The following DNALI1 variants were observed in gnomAD, a reference collection of about 807,000 sequenced individuals.
The protein encoded by DNALI1 is dynein axonemal light intermediate chain 1.
A neutral mutation model predicts 33.9 loss-of-function variants in DNALI1; 31 were observed. That is an observed-to-expected ratio of 0.91 (90% CI 0.69 to 1.23). The LOEUF is 1.23. Ranked by LOEUF, DNALI1 falls within the 50% of genes most tolerant of loss-of-function variation. The pLI is 0.00. For missense variants in DNALI1, 305 were observed against 323.8 expected, an observed-to-expected ratio of 0.94 and a Z score of 0.44; for synonymous variants, 117 against 129.2, an observed-to-expected ratio of 0.91 and a Z score of 0.64.
Position 37,565,247 on chromosome 1 carries a change from C to T in DNALI1, c.*186C>T, listed in dbSNP as rs1570042491. On this transcript the variant is annotated 3_prime_UTR_variant, in exon 6 of 6. Transcript: ENST00000652629. ...AGTCACACTATTACTCCAATGTCAT[C>T]AGACACCTAAGGTCTGCCAGCCAGG... The T allele has an allele frequency of 3.1e-6, 2 of 643,964 alleles. No individual in the cohort carries two copies. The highest frequency in any genetic ancestry group is 1.8e-5 in the African/African-American group (1 of 54,788). The allele number at this position is 643,964 out of a possible 1,614,324, so 39.9% of individuals were successfully genotyped here.
rs932994446 is a variant in DNALI1, at chr1:37,562,691, G to A, written c.741+446G>A. Among the ~76,000 whole-genome samples the A allele has an allele frequency of 6.6e-6, 1 of 152,170 alleles. No individual in the cohort carries two copies. Among genetic ancestry groups the A allele is most frequent in the Non-Finnish European group, 1.5e-5 (1 of 68,032 alleles). ...GTCAAAGGGCAGCAGGGCCCTTTGA[G>A]AGGAAGAACCATTTCAAATCAGAAA... On this transcript the variant is annotated intron_variant, in intron 5 of 5. Transcript: ENST00000652629. This position sits in a 1 kb window ranked among gnomAD's most constrained non-coding sequence, Gnocchi z 5.8.
Position 37,565,103 on chromosome 1 carries a change from T to G in DNALI1, c.*42T>G. 6.2e-7 allele frequency: 1 copy of G among 1,607,204 alleles called. No individual in the cohort carries two copies. The highest frequency in any genetic ancestry group is 8.5e-7 in the Non-Finnish European group (1 of 1,173,722). The stretch of plus-strand genomic sequence containing the variant: ...AATTTCCAACAAGACACTTGGGAGT[T>G]ATTTACTGTGTTCCTCTGGCAGCCA... On this transcript the variant is annotated 3_prime_UTR_variant, in exon 6 of 6. Transcript: ENST00000652629.
chr1:37,561,821 A>C lies in DNALI1; in HGVS notation c.576+86A>C. ...CTTATCATTCCAGCACTACATTCTG[A>C]CCTCCTAAGGTGCTCTGCTGACAGT... On this transcript the variant is annotated intron_variant, in intron 4 of 5. Transcript: ENST00000652629. This position sits in a 1 kb window ranked among gnomAD's most constrained non-coding sequence, Gnocchi z 4.6. 6.6e-7 allele frequency: 1 copy of C among 1,510,326 alleles called. No homozygotes were observed. The highest frequency in any genetic ancestry group is 2.4e-5 in the East Asian group (1 of 41,848). The allele number at this position is 1,510,326 out of a possible 1,614,324, so 93.6% of individuals were successfully genotyped here. A position where few individuals can be genotyped will look rare whatever the true frequency, so the allele number is the denominator to read the frequency against.
chr1:37,564,785 A>T lies in DNALI1; in HGVS notation c.742-241A>T, dbSNP rs544509652. ...AATATCCTTTTCAATGCTTTATATC[A>T]TACCCGGAGCCATTATTGTGTTGAA... On this transcript the variant is annotated intron_variant, in intron 5 of 5. Transcript: ENST00000652629. Among the ~76,000 whole-genome samples the T allele has an allele frequency of 7.2e-5, 11 of 152,272 alleles. No homozygotes were observed. In the South Asian group the frequency reaches 2.3e-3, roughly 32 times the overall value.
chr1:37,557,661 C>T lies in DNALI1; in HGVS notation c.140C>T (p.Pro47Leu). Residue 47 changes from proline (P) to leucine (L), a missense_variant, in exon 2 of 6, where the codon CCA (proline) becomes CTA (leucine). Transcript: ENST00000652629. Reference sequence around the variant, plus strand: ...GGACCTTCAGGTTCAGCCCCACAGCCACCCAAGACCAAGCTCCCCTCAACT... The same window carrying T: ...GGACCTTCAGGTTCAGCCCCACAGCTACCCAAGACCAAGCTCCCCTCAACT... ...QPGPSGSAPQ[P>L]PKTKLPSTPC... The T allele has an allele frequency of 1.2e-6, 2 of 1,614,106 alleles. No homozygotes were observed. The highest frequency in any genetic ancestry group is 1.7e-6 in the Non-Finnish European group (2 of 1,179,998).
Position 37,561,411 on chromosome 1 carries a change from C to A in DNALI1, c.398-146C>A. 1 of 1,053,614 alleles carries A rather than the reference C, an allele frequency of 9.5e-7. No homozygotes were observed. Among genetic ancestry groups the A allele is most frequent in the Non-Finnish European group, 1.4e-6 (1 of 738,578 alleles). 65.3% of individuals were successfully genotyped at this position (1,053,614 alleles called of 1,614,324 possible). ...CTTTGGGCCACTGAAGGCACCCTCC[C>A]TGAGGCCCTTCTCTGAGGCCTTGCA... On this transcript the variant is annotated intron_variant, in intron 3 of 5. Transcript: ENST00000652629. This position sits in a 1 kb window ranked among gnomAD's most constrained non-coding sequence, Gnocchi z 4.6.
chr1:37,564,965 T>C, intron 5 of DNALI1, 61 bp from the exon 6 acceptor site: 14 of 1,565,614 alleles, frequency 8.9e-6, no homozygotes, highest in Non-Finnish European at 1.2e-5. Context: ...TGATCACCTC[T>C]CAGCTATTTG....
rs1643391857 is a variant in DNALI1, at chr1:37,557,847, G to A, written c.227+99G>A. On this transcript the variant is annotated intron_variant, in intron 2 of 5. Coordinates refer to ENST00000652629, the MANE Select transcript of DNALI1 (RefSeq NM_003462.5). Reference sequence around the variant, plus strand: ...GCACTCTGCCTCTGTTCCTGGCTGGGGTTTCCTCCCAGTATCACAGAGCTC... The same window carrying A: ...GCACTCTGCCTCTGTTCCTGGCTGGAGTTTCCTCCCAGTATCACAGAGCTC... 2 of 1,544,750 alleles carry A rather than the reference G, an allele frequency of 1.3e-6. 1 individual carries two copies. The highest frequency in any genetic ancestry group is 2.3e-5 in the South Asian group (2 of 86,222).
intron 2 of DNALI1, chr1:37,558,169 T>C (rs1161845525): frequency 6.1e-6 from 1 of 163,188 alleles, no homozygotes; most frequent in Non-Finnish European, 1.3e-5. Context: ...TTCTCCTTTT[T>C]ACTAGGGACT....
Position 37,559,091 on chromosome 1 carries a change from G to T in DNALI1, c.228-236G>T, listed in dbSNP as rs144753505. Among the ~76,000 whole-genome samples the T allele has an allele frequency of 7.3e-3, 1,111 of 152,338 alleles. 12 individuals are homozygous for T. The highest frequency in any genetic ancestry group is 0.017 in the Middle Eastern group (5 of 294). On this transcript the variant is annotated intron_variant, in intron 2 of 5. Coordinates refer to ENST00000652629, the MANE Select transcript of DNALI1 (RefSeq NM_003462.5). This position sits in a 1 kb window ranked among gnomAD's most constrained non-coding sequence, Gnocchi z 5.3. ...AACAGTGGGGAATGATTTCACAGAGGCCCGTTGCCAAGGTGGAAATTGTCT... is the reference window on the plus strand; with the variant it reads ...AACAGTGGGGAATGATTTCACAGAGTCCCGTTGCCAAGGTGGAAATTGTCT...
Position 37,562,166 on chromosome 1 carries a change from A to C in DNALI1, c.662A>C (p.Glu221Ala). 1 of 1,614,022 alleles carries C rather than the reference A, an allele frequency of 6.2e-7. No individual in the cohort carries two copies. Among genetic ancestry groups the C allele is most frequent in the Non-Finnish European group, 8.5e-7 (1 of 1,179,976 alleles). Residue 221 changes from glutamate (E) to alanine (A), a missense_variant, in exon 5 of 6, where the codon GAG becomes GCG. By Grantham distance (107) the Glu-to-Ala change is moderately radical. Transcript: ENST00000652629. The surrounding 1 kb of genome is among the most constrained non-coding windows in gnomAD (Gnocchi z 5.8). ...KAKCEATEKRESERRQVEEKK... is the reference protein window; with the variant it reads ...KAKCEATEKRASERRQVEEKK... ...AAATGTGAAGCCACTGAGAAGCGGG[A>C]GAGCGAGAGGCGGCAGGTGGAGGAG...
rs562669841 is a variant in DNALI1 at position 37,559,705 on chromosome 1, G to T, written c.397+209G>T. Among the ~76,000 whole-genome samples the T allele has an allele frequency of 6.6e-6, 1 of 152,270 alleles. No homozygotes were observed. On this transcript the variant is annotated intron_variant, in intron 3 of 5. Coordinates refer to ENST00000652629, the MANE Select transcript of DNALI1 (RefSeq NM_003462.5). The surrounding 1 kb of genome is among the most constrained non-coding windows in gnomAD (Gnocchi z 5.3). ...GGGGCCAGCCCCTCCACACCTGTGG[G>T]TATTTCTCCTCAGGCAGGAGGAGAG...
chr1:37,565,101 G>C lies in DNALI1; in HGVS notation c.*40G>C. ...TTAATTTCCAACAAGACACTTGGGA[G>C]TTATTTACTGTGTTCCTCTGGCAGC... On this transcript the variant is annotated 3_prime_UTR_variant, in exon 6 of 6. Transcript: ENST00000652629. 3 of 1,606,604 alleles carry C rather than the reference G, an allele frequency of 1.9e-6. No individual in the cohort carries two copies. The highest frequency in any genetic ancestry group is 2.6e-6 in the Non-Finnish European group (3 of 1,173,260).
Position 37,559,419 on chromosome 1 carries a change from A to G in DNALI1, c.320A>G (p.Asp107Gly). The G allele has an allele frequency of 5.0e-6, 8 of 1,613,300 alleles. No homozygotes were observed. The highest frequency in any genetic ancestry group is 6.8e-6 in the Non-Finnish European group (8 of 1,179,898). The stretch of plus-strand genomic sequence containing the variant: ...GTGGTGCACCTCCAGGAGCAGTTAG[A>G]CTTAAAGCTGCAGCAGCGGCAGGCC... Reference protein sequence around the residue: ...MDVVHLQEQLDLKLQQRQARE... With the variant: ...MDVVHLQEQLGLKLQQRQARE... The change falls in exon 3 of 6, where the codon GAC becomes GGC. Residue 107 changes from aspartate to glycine, a missense_variant. By Grantham distance (94) the Asp-to-Gly change is moderately conservative. Transcript: ENST00000652629. This position sits in a 1 kb window ranked among gnomAD's most constrained non-coding sequence, Gnocchi z 5.3.
chr1:37,560,158 C>T (rs1212702866), intron 3 of DNALI1, among the ~76,000 whole-genome samples: 3 of 152,166 alleles, frequency 2.0e-5, no homozygotes, highest in South Asian at 4.1e-4. Context: ...ATTCAGTTCC[C>T]AGGGGCAGGC....
At chr1:37,557,139 G>T in intron 1 of DNALI1, 64 bp downstream of exon 1, 1 of 1,605,406 alleles carries the variant, frequency 6.2e-7, no homozygotes, top group Non-Finnish European at 8.5e-7. Context: ...ACACATTCCC[G>T]CATGGAGGGT....
In DNALI1 at chr1:37,565,357, A is replaced by G; in HGVS notation, c.*296A>G. The G allele has an allele frequency of 2.3e-6, 1 of 433,382 alleles. No individual in the cohort carries two copies. The highest frequency in any genetic ancestry group is 3.0e-5 in the South Asian group (1 of 33,614). The allele number at this position is 433,382 out of a possible 1,614,324, so 26.8% of individuals were successfully genotyped here. On this transcript the variant is annotated 3_prime_UTR_variant, in exon 6 of 6. Transcript: ENST00000652629. Reference sequence around the variant, plus strand: ...GCCAGCCTTGGGAACTGCCAACTCAAATTCTAAGAAAGCCACTGCTTTCTC... The same window carrying G: ...GCCAGCCTTGGGAACTGCCAACTCAGATTCTAAGAAAGCCACTGCTTTCTC...
In DNALI1 at chr1:37,559,249, G is replaced by A; in HGVS notation, c.228-78G>A. 6.9e-7 allele frequency: 1 copy of A among 1,440,560 alleles called. No individual in the cohort carries two copies. The highest frequency in any genetic ancestry group is 9.3e-7 in the Non-Finnish European group (1 of 1,079,640). The allele number at this position is 1,440,560 out of a possible 1,614,324, so 89.2% of individuals were successfully genotyped here. ...CCCCTCACCACTACTCAGGCAGAGG[G>A]CTCAAAGGGCCCTCTGCTCATGTGC... On this transcript the variant is annotated intron_variant, in intron 2 of 5. Coordinates refer to ENST00000652629, the MANE Select transcript of DNALI1 (RefSeq NM_003462.5). The surrounding 1 kb of genome is among the most constrained non-coding windows in gnomAD (Gnocchi z 5.3).
At position 37,561,955 on chromosome 1, in the gene DNALI1, C is replaced by A; in HGVS notation, c.577-126C>A. On this transcript the variant is annotated intron_variant, in intron 4 of 5. Transcript: ENST00000652629. The surrounding 1 kb of genome is among the most constrained non-coding windows in gnomAD (Gnocchi z 4.6). ...TCCGCTGTAGACGCTCCATGCCAGG[C>A]ACTGACCTCCCACTGGGTGGCAGTA... The A allele has an allele frequency of 6.8e-7, 1 of 1,463,080 alleles. No individual in the cohort carries two copies. The highest frequency in any genetic ancestry group is 9.3e-7 in the Non-Finnish European group (1 of 1,074,188). The allele number at this position is 1,463,080 out of a possible 1,614,324, so 90.6% of individuals were successfully genotyped here. A position where few individuals can be genotyped will look rare whatever the true frequency, so the allele number is the denominator to read the frequency against.
Sources: gnomAD v4.1 joint callset for allele counts (sites outside exome capture counted in the v4.1 genomes callset) on GRCh38, gnomAD v4.1.1 for gene constraint, Gnocchi (gnomAD v3.1) non-coding constraint, MANE v1.5 for transcripts, NCBI Gene and HGNC (gene_info 2026-07-23, HGNC 2026-07-21) for gene names.